Variants in GSDME observed in about 807,000 individuals in gnomAD.
GSDME encodes gasdermin E.
In GSDME, 44 loss-of-function variants were observed where a neutral mutation model predicts 47.5. The observed-to-expected ratio is 0.93, with a 90% CI of 0.73 to 1.19. The LOEUF (loss-of-function observed/expected upper bound fraction) is 1.19. Among genes scored for constraint, GSDME ranks in the 50% most tolerant of loss-of-function variants. The pLI is 0.00. For synonymous variants in GSDME, 258 were observed against 252.8 expected (o/e 1.02, Z -0.20); for missense variants, 663 against 604.2 (o/e 1.10, Z -1.02).
the GSDME span, among the ~76,000 whole-genome samples, chr7:24,795,436 C>G: frequency 6.6e-6 from 1 of 152,150 alleles, no homozygotes; most frequent in Admixed American, 6.5e-5. Flanking sequence ...CATCGGCAGA[C>G]TTACAAAACC....
the GSDME span, among the ~76,000 whole-genome samples, chr7:24,774,084 G>A: frequency 1.3e-5 from 2 of 152,240 alleles, no homozygotes; most frequent in East Asian, 1.9e-4. Flanking sequence ...CAGTCTGAGC[G>A]ATGAGGGACT....
chr7:24,744,783 C>T lies in GSDME; in HGVS notation c.212-29G>A. ...GAATGGAGGAGACGAGCAGAGGAAG[C>T]CGATGATGATAAGGCCACCAAGATG... On this transcript the variant is annotated intron_variant, in intron 2 of 9. Transcript: ENST00000645220. This position sits in a 1 kb window ranked among gnomAD's most constrained non-coding sequence, Gnocchi z 4.5. The T allele has an allele frequency of 1.2e-6, 2 of 1,612,854 alleles. No homozygotes were observed. The highest frequency in any genetic ancestry group is 1.7e-6 in the Non-Finnish European group (2 of 1,179,392).
rs897686124 is a variant in GSDME at position 24,742,475 on chromosome 7, C to T, written c.404+2087G>A. 6.6e-6 allele frequency among the ~76,000 whole-genome samples: 1 copy of T among 152,338 alleles called. No homozygotes were observed. The highest frequency in any genetic ancestry group is 6.5e-5 in the Admixed American group (1 of 15,306). The stretch of plus-strand genomic sequence containing the variant: ...ATGCTCCTTTCCTTTCCCTCCCCCA[C>T]TCCCTCTTCCTCCACTCAGAACTGT... On this transcript the variant is annotated intron_variant, in intron 3 of 9. Transcript: ENST00000645220. This position sits in a 1 kb window ranked among gnomAD's most constrained non-coding sequence, Gnocchi z 4.4.
chr7:24,742,098 C>T lies in GSDME; in HGVS notation c.404+2464G>A, dbSNP rs1790510865. 6.6e-6 allele frequency among the ~76,000 whole-genome samples: 1 copy of T among 152,212 alleles called. No homozygotes were observed. Among genetic ancestry groups the T allele is most frequent in the Non-Finnish European group, 1.5e-5 (1 of 68,040 alleles). On this transcript the variant is annotated intron_variant, in intron 3 of 9. Transcript: ENST00000645220. The surrounding 1 kb of genome is among the most constrained non-coding windows in gnomAD (Gnocchi z 4.4). ...AAGTGATCTCATCCCTGTGTCCAGG[C>T]ACCTCCAGGAGAGCAGGCCTCGCTA...
chr7:24,751,289 G>A (rs1584109918), intron 1 of GSDME, among the ~76,000 whole-genome samples: 1 of 152,112 alleles, frequency 6.6e-6, no homozygotes, highest in African/African-American at 2.4e-5. Flanking sequence ...CATACAAAAA[G>A]AAGAAAATAA....
intron 7 of GSDME, chr7:24,707,831 G>T (rs938495549): frequency 1.8e-6 from 1 of 546,522 alleles, no homozygotes. Context: ...TGGGGGAAGT[G>T]TGGCCCTGCA....
At chr7:24,751,424 A>G (rs1202609470) in intron 1 of GSDME, among the ~76,000 whole-genome samples, 1 of 152,206 alleles carries the variant, frequency 6.6e-6, no homozygotes, top group East Asian at 1.9e-4. Flanking sequence ...GATTTAAGAG[A>G]TGAGAATAAG....
intron 9 of GSDME, among the ~76,000 whole-genome samples, chr7:24,700,732 T>C (rs1048384077): frequency 1.3e-5 from 2 of 152,208 alleles, no homozygotes; most frequent in Admixed American, 6.5e-5. Flanking sequence ...CTGCAAACTA[T>C]TGATTGTGCT....
chr7:24,777,647 G>A, the GSDME span, among the ~76,000 whole-genome samples: 1 of 94,674 alleles, frequency 1.1e-5, no homozygotes, highest in East Asian at 5.5e-4. Context: ...GTTCTTCCAG[G>A]CTCTGATGTG....
the GSDME span, among the ~76,000 whole-genome samples, chr7:24,785,744 C>T: frequency 3.3e-5 from 5 of 152,202 alleles, no homozygotes; most frequent in East Asian, 1.9e-4. Flanking sequence ...CATGAGCCAC[C>T]GTGCCCAGCC....
In GSDME at chr7:24,744,871, G is replaced by T. The variant is rs562145638; in HGVS notation, c.212-117C>A. The stretch of plus-strand genomic sequence containing the variant: ...CCGGAAAGCAGAAGGCTGGCACTCA[G>T]ATGGAAAGCCGGCAGCCATGCTGTG... On this transcript the variant is annotated intron_variant, in intron 2 of 9. Transcript: ENST00000645220. This position sits in a 1 kb window ranked among gnomAD's most constrained non-coding sequence, Gnocchi z 4.5. 6 of 1,087,080 alleles carry T rather than the reference G, an allele frequency of 5.5e-6. No homozygotes were observed. The East Asian group carries it at 1.3e-4, about 23-fold the overall frequency. The allele number at this position is 1,087,080 out of a possible 1,614,324, so 67.3% of individuals were successfully genotyped here.
chr7:24,749,796 G>A lies in GSDME; in HGVS notation c.-19-3C>T. On this transcript the variant is annotated splice_region_variant and splice_polypyrimidine_tract_variant and intron_variant, in intron 1 of 9. Coordinates refer to ENST00000645220, the MANE Select transcript of GSDME (RefSeq NM_001127453.2). ...ACATTTTGAAAGCTCCAGATTATCT[G>A]AAAAAGTAAAGTTATCCTAAAATCA... 6.3e-7 allele frequency: 1 copy of A among 1,589,230 alleles called. No individual in the cohort carries two copies. Among genetic ancestry groups the A allele is most frequent in the Non-Finnish European group, 8.6e-7 (1 of 1,159,432 alleles).
rs1235378048 is a variant in GSDME, at chr7:24,728,991, G to A, written c.405-9773C>T. ...TGTTGCCAAAGTGACCAAGTCACCCGCAGACTGTGGCTGCTCCGCCTCTGT... is the reference window on the plus strand; with the variant it reads ...TGTTGCCAAAGTGACCAAGTCACCCACAGACTGTGGCTGCTCCGCCTCTGT... On this transcript the variant is annotated intron_variant, in intron 3 of 9. Transcript: ENST00000645220. This position sits in a 1 kb window ranked among gnomAD's most constrained non-coding sequence, Gnocchi z 7.2. Among the ~76,000 whole-genome samples the A allele has an allele frequency of 2.6e-5, 4 of 152,178 alleles. No individual in the cohort carries two copies. The highest frequency in any genetic ancestry group is 9.7e-5 in the African/African-American group (4 of 41,438).
At chr7:24,704,183 T>C (rs534617288) in intron 8 of GSDME, 1 of 152,370 alleles carries the variant, frequency 6.6e-6, no homozygotes, top group East Asian at 1.9e-4. Flanking sequence ...GCCTAAAACA[T>C]AGTATAAGCT....
the GSDME span, among the ~76,000 whole-genome samples, chr7:24,776,381 C>G: frequency 2.6e-5 from 4 of 152,026 alleles, no homozygotes; most frequent in African/African-American, 7.2e-5. Context: ...CTTGTTTTAA[C>G]TTTTTATTTT....
At chr7:24,734,503 A>G (rs560486063) in intron 3 of GSDME, among the ~76,000 whole-genome samples, 1 of 152,362 alleles carries the variant, frequency 6.6e-6, no homozygotes, top group East Asian at 1.9e-4. Flanking sequence ...TCAAACAGAA[A>G]ATTCAAAATA....
rs150928786 is a variant in GSDME at position 24,725,574 on chromosome 7, G to A, written c.405-6356C>T. Among the ~76,000 whole-genome samples, 2 of 152,186 alleles carry A rather than the reference G, an allele frequency of 1.3e-5. No homozygotes were observed. The highest frequency in any genetic ancestry group is 6.5e-5 in the Admixed American group (1 of 15,280). ...CGTTTAAGGGCTCACAACTCTAAGG[G>A]GGTGCGCATGAGAGGGTCGTGATCG... is the stretch of plus-strand genomic sequence containing the variant. On this transcript the variant is annotated intron_variant, in intron 3 of 9. Transcript: ENST00000645220. This position sits in a 1 kb window ranked among gnomAD's most constrained non-coding sequence, Gnocchi z 5.1.
intron 7 of GSDME, among the ~76,000 whole-genome samples, chr7:24,706,789 T>C (rs1258878741): frequency 6.6e-6 from 1 of 152,160 alleles, no homozygotes; most frequent in African/African-American, 2.4e-5. Context: ...GCTGCATCTG[T>C]CCCCACAGAG....
chr7:24,771,415 G>C, the GSDME span, among the ~76,000 whole-genome samples: 19,582 of 152,206 alleles, frequency 0.13, 1,382 homozygotes, highest in East Asian at 0.2. The surrounding 1 kb of genome is among the most constrained non-coding windows in gnomAD (Gnocchi z 4.1). Flanking sequence ...TGTTATGTTA[G>C]TTAAGTGAAT....
Sources: gnomAD v4.1 joint callset for allele counts (sites outside exome capture counted in the v4.1 genomes callset) on GRCh38, gnomAD v4.1.1 for gene constraint, Gnocchi (gnomAD v3.1) non-coding constraint, MANE v1.5 for transcripts, NCBI Gene and HGNC (gene_info 2026-07-23, HGNC 2026-07-21) for gene names.